STX2: variants seen among roughly 807,000 people sequenced by gnomAD.
STX2 encodes syntaxin 2, also known as syntaxin-2.
STX2 carries 27 observed loss-of-function variants against 40.6 expected under a neutral mutation model. That is an observed-to-expected ratio of 0.66 (90% CI 0.49 to 0.92). STX2 has a LOEUF of 0.92. Ranked by LOEUF, STX2 falls within the 40% of genes least tolerant of loss-of-function variation. The pLI is 0.00. For synonymous variants in STX2, 123 were observed against 119.1 expected, an observed-to-expected ratio of 1.03 and a Z score of -0.22; for missense variants, 328 against 366.1, an observed-to-expected ratio of 0.90 and a Z score of 0.85.
chr12:130,828,047 C>T (rs1052505635), intron 1 of STX2, among the ~76,000 whole-genome samples: 5 of 152,198 alleles, frequency 3.3e-5, no homozygotes, highest in Non-Finnish European at 7.3e-5. Context: ...AGCCCATTAG[C>T]TTGTCTCAGT....
intron 4 of STX2, chr12:130,812,430 C>T (rs1400070516): frequency 4.5e-6 from 2 of 447,464 alleles, no homozygotes; most frequent in East Asian, 1.4e-4. Context: ...TCTGCTTCTG[C>T]ACACATCTGA....
chr12:130,802,295 TCAAG>T (rs976672826), intron 6 of STX2, among the ~76,000 whole-genome samples: 12 of 152,242 alleles, frequency 7.9e-5, no homozygotes, highest in African/African-American at 2.4e-4. Flanking sequence ...CCTCCCGGGT[TCAAG>T]CAATTCTCAT....
At chr12:130,829,398 G>A (rs577387250) in intron 1 of STX2, among the ~76,000 whole-genome samples, 9 of 152,322 alleles carry the variant, frequency 5.9e-5, no homozygotes, top group East Asian at 1.9e-4. Flanking sequence ...GGGATCACTC[G>A]CAGGGACGGC....
At chr12:130,820,347 C>G (rs1042904643) in intron 3 of STX2, among the ~76,000 whole-genome samples, 1 of 152,030 alleles carries the variant, frequency 6.6e-6, no homozygotes, top group African/African-American at 2.4e-5. Context: ...TTCTATATAC[C>G]AACAACAAAC....
At chr12:130,793,057 A>G (rs1237920720) in intron 10 of STX2, among the ~76,000 whole-genome samples, 1 of 152,180 alleles carries the variant, frequency 6.6e-6, no homozygotes, top group East Asian at 1.9e-4. Flanking sequence ...TTTTAATTAC[A>G]GTTCCAAATG....
chr12:130,804,347 T>C (rs1055469173), intron 6 of STX2, among the ~76,000 whole-genome samples: 4 of 152,122 alleles, frequency 2.6e-5, no homozygotes, highest in Non-Finnish European at 4.4e-5. Context: ...AGTGACGCCA[T>C]CCTGAAGCAA....
intron 8 of STX2, 39 bp downstream of exon 8, chr12:130,801,114 C>G (rs1178541305): frequency 6.3e-7 from 1 of 1,575,800 alleles, no homozygotes; most frequent in Non-Finnish European, 8.6e-7. Flanking sequence ...TTACACATGA[C>G]TGATATCTCT....
intron 2 of STX2, 87 bp from the exon 3 acceptor site, chr12:130,821,875 GAAAT>G (rs1469516690): frequency 2.9e-5 from 21 of 733,094 alleles, no homozygotes; most frequent in Admixed American, 5.5e-5. Flanking sequence ...ATAAAGGAGG[GAAAT>G]AAATAATTAC....
In STX2 at chr12:130,796,012, G is replaced by C. The variant is rs1222225629; in HGVS notation, c.*28C>G. On this transcript the variant is annotated 3_prime_UTR_variant, in exon 10 of 11. Coordinates refer to ENST00000392373, the MANE Select transcript of STX2 (RefSeq NM_194356.4). ...TTACTTACTCCCACCCTGGCAGAGA[G>C]GCATGCACACTGACGTTATCCACAC... is the stretch of plus-strand genomic sequence containing the variant. The C allele has an allele frequency of 1.2e-6, 2 of 1,612,708 alleles. No individual in the cohort carries two copies. The highest frequency in any genetic ancestry group is 2.7e-5 in the African/African-American group (2 of 74,870).
chr12:130,830,853 G>T (rs572469866), intron 1 of STX2, among the ~76,000 whole-genome samples: 1 of 152,322 alleles, frequency 6.6e-6, no homozygotes, highest in Non-Finnish European at 1.5e-5. Flanking sequence ...TAACCAAACT[G>T]CTAGTGGCAA....
intron 2 of STX2, among the ~76,000 whole-genome samples, chr12:130,825,717 C>T (rs1952275210): frequency 6.6e-6 from 1 of 152,114 alleles, no homozygotes. Context: ...AGTAACTTTC[C>T]ATATGCTTTT....
chr12:130,798,308 G>A (rs1183317194), intron 9 of STX2: 2 of 376,000 alleles, frequency 5.3e-6, no homozygotes, highest in East Asian at 9.8e-5. Context: ...CCAGCCCTAG[G>A]GTTTCAATTA....
chr12:130,809,539 G>C (rs914393763), intron 4 of STX2, among the ~76,000 whole-genome samples: 16 of 152,164 alleles, frequency 1.1e-4, no homozygotes, highest in Admixed American at 7.2e-4. Context: ...CAGAGGAGCC[G>C]GGTGCAGTGG....
chr12:130,813,952 G>T (rs761024011), intron 3 of STX2, among the ~76,000 whole-genome samples: 1 of 152,164 alleles, frequency 6.6e-6, no homozygotes, highest in African/African-American at 2.4e-5. Flanking sequence ...CGTTTCTGCC[G>T]TAGACAACTT....
In STX2 at chr12:130,810,442, T is replaced by C. The variant is rs143220501; in HGVS notation, c.281-1738A>G. On this transcript the variant is annotated intron_variant, in intron 4 of 10. Transcript: ENST00000392373. ...GGTCATCGTCATGTATAGCAATACA[T>C]TCCCCAGCATGCTGACCTCGGTGTC... Among the ~76,000 whole-genome samples, 300 of 152,338 alleles carry C rather than the reference T, an allele frequency of 2.0e-3. 1 individual carries two copies. Among genetic ancestry groups the C allele is most frequent in the African/African-American group, 7.1e-3 (294 of 41,580 alleles).
chr12:130,802,993 T>G (rs1002267706), intron 6 of STX2, among the ~76,000 whole-genome samples: 3 of 152,224 alleles, frequency 2.0e-5, no homozygotes, highest in African/African-American at 7.2e-5. Context: ...AGTTTCTTTT[T>G]GGGTTGATAA....
chr12:130,801,363 A>C (rs1156471719), intron 7 of STX2, 52 bp downstream of exon 7: 1 of 1,589,454 alleles, frequency 6.3e-7, no homozygotes, highest in Non-Finnish European at 8.6e-7. Flanking sequence ...GTTTTTAAAA[A>C]GCTCTGTCTA....
chr12:130,801,367 C>T (rs1443026246), intron 7 of STX2, 48 bp downstream of exon 7: 4 of 1,593,062 alleles, frequency 2.5e-6, no homozygotes, highest in Admixed American at 1.7e-5. Context: ...TTAAAAAGCT[C>T]TGTCTACAGA....
intron 10 of STX2, among the ~76,000 whole-genome samples, chr12:130,795,291 C>G (rs1310349511): frequency 6.6e-6 from 1 of 152,122 alleles, no homozygotes; most frequent in Non-Finnish European, 1.5e-5. Context: ...TAAAATGATG[C>G]GTTAGTGTAT....
Sources: gnomAD v4.1 joint callset for allele counts (sites outside exome capture counted in the v4.1 genomes callset) on GRCh38, gnomAD v4.1.1 for gene constraint, MANE v1.5 for transcripts, NCBI Gene and HGNC (gene_info 2026-07-23, HGNC 2026-07-21) for gene names.